Variants in SLC2A5 observed in about 807,000 individuals in gnomAD.
SLC2A5 encodes solute carrier family 2, facilitated glucose transporter member 5.
SLC2A5 carries 56 observed loss-of-function variants against 50.3 expected under a neutral mutation model. The ratio of observed to expected loss-of-function variants is 1.11; its 90% CI spans 0.90 to 1.39. The LOEUF is 1.39. SLC2A5 is among the 40% of genes most tolerant of loss of function. The pLI is 0.00. For missense variants in SLC2A5, 566 were observed against 650.1 expected (o/e 0.87, Z 1.41); for synonymous variants, 269 against 281.9 (o/e 0.95, Z 0.46).
chr1:9,085,548 A>T (rs1216027361), intron 1 of SLC2A5, among the ~76,000 whole-genome samples: 1 of 152,222 alleles, frequency 6.6e-6, no homozygotes, highest in Non-Finnish European at 1.5e-5. Context: ...AATAAGTTGC[A>T]AAATGTTTTT....
intron 1 of SLC2A5, among the ~76,000 whole-genome samples, chr1:9,063,638 G>A (rs1016033337): frequency 1.4e-5 from 2 of 146,222 alleles, no homozygotes; most frequent in African/African-American, 5.0e-5. Context: ...CTCCTAGAGT[G>A]CTGGGATTAC....
In SLC2A5 at chr1:9,037,894, C is replaced by T. The variant is rs1569830765; in HGVS notation, c.1302+3G>A. 6 of 1,613,848 alleles carry T rather than the reference C, an allele frequency of 3.7e-6. No individual in the cohort carries two copies. In the East Asian group the frequency reaches 1.3e-4, roughly 36 times the overall value. ...GTGAGCGTGGGCCCCGGGCCCCACT[C>T]ACCTGGATGAACGGGAAGATCAAGC... On this transcript the variant is annotated splice_donor_region_variant and intron_variant, in intron 11 of 11. Transcript: ENST00000377424.
At chr1:9,046,667 T>C (rs1015814761) in intron 4 of SLC2A5, among the ~76,000 whole-genome samples, 181 of 21,724 alleles carry the variant, frequency 8.3e-3, no homozygotes, top group African/African-American at 0.025. Flanking sequence ...CTGGTTCTCG[T>C]GTGTGTGTGT....
upstream of SLC2A5, among the ~76,000 whole-genome samples, chr1:9,091,171 A>G (rs1642458047): frequency 6.6e-6 from 1 of 152,178 alleles, no homozygotes; most frequent in South Asian, 2.1e-4. Flanking sequence ...TAACACACTA[A>G]AGGAAATCTT....
chr1:9,053,080 T>TTTATATA (rs1553169440), intron 3 of SLC2A5, among the ~76,000 whole-genome samples: 1 of 69,134 alleles, frequency 1.4e-5, no homozygotes, highest in Non-Finnish European at 2.7e-5. Flanking sequence ...TATTTATATA[T>TTTATATA]TAATATATAA....
chr1:9,061,446 A>G (rs1295988822), intron 1 of SLC2A5, among the ~76,000 whole-genome samples: 1 of 122,586 alleles, frequency 8.2e-6, no homozygotes, highest in Non-Finnish European at 1.7e-5. Context: ...CTACCAAAAA[A>G]ATTTTAAAAA....
At position 9,058,240 on chromosome 1, in the gene SLC2A5, A is replaced by G. The variant is rs911570905; in HGVS notation, c.44T>C (p.Leu15Pro). The change falls in exon 2 of 12, where the codon CTT becomes CCT. Residue 15 changes from leucine to proline, a missense_variant. Coordinates refer to ENST00000377424, the MANE Select transcript of SLC2A5 (RefSeq NM_003039.3). Reference protein sequence around the residue: ...DQSMKEGRLTLVLALATLIAA... With the variant: ...DQSMKEGRLTPVLALATLIAA... ...TATCAGGGTTGCCAGGGCAAGCACA[A>G]GCGTCAGCCTCTGCAGAGATCACAG... 6.2e-7 allele frequency: 1 copy of G among 1,613,652 alleles called. No homozygotes were observed.
chr1:9,073,825 C>T (rs6683701), upstream of SLC2A5, among the ~76,000 whole-genome samples: 31,893 of 152,132 alleles, frequency 0.21, 3,575 homozygotes, highest in East Asian at 0.46. Context: ...CGGTGGCTCA[C>T]GCCTGTAATC....
intron 3 of SLC2A5, among the ~76,000 whole-genome samples, chr1:9,053,049 TA>T (rs1459937825): frequency 8.3e-6 from 1 of 119,976 alleles, no homozygotes; most frequent in Non-Finnish European, 1.6e-5. Flanking sequence ...TATTATATAT[TA>T]ATATATAATA....
chr1:9,065,324 CAG>C (rs1334365936), intron 1 of SLC2A5, among the ~76,000 whole-genome samples: 2 of 152,168 alleles, frequency 1.3e-5, no homozygotes, highest in African/African-American at 4.8e-5. Context: ...GACCTTCTGA[CAG>C]GGTACGATTC....
In SLC2A5 at chr1:9,038,039, G is replaced by A. The variant is rs746027766; in HGVS notation, c.1175-15C>T. On this transcript the variant is annotated splice_polypyrimidine_tract_variant and intron_variant, in intron 10 of 11. Transcript: ENST00000377424. ...GGGTATGGGACCTGTAGGGGGAGGA[G>A]AGCAGCCTCCCTGAAGGCAGAGCGG... The A allele has an allele frequency of 1.9e-6, 3 of 1,613,068 alleles. No individual in the cohort carries two copies. Among genetic ancestry groups the A allele is most frequent in the Admixed American group, 3.3e-5 (2 of 59,958 alleles).
upstream of SLC2A5, among the ~76,000 whole-genome samples, chr1:9,074,214 G>C (rs534884698): frequency 6.6e-6 from 1 of 152,286 alleles, no homozygotes; most frequent in African/African-American, 2.4e-5. Context: ...AAAGAGCAAG[G>C]CTTAGCAACT....
chr1:9,043,208 A>T (rs1641348991), intron 4 of SLC2A5, among the ~76,000 whole-genome samples: 1 of 152,180 alleles, frequency 6.6e-6, no homozygotes, highest in South Asian at 2.1e-4. Flanking sequence ...GCTCTCAGGA[A>T]CAGAGTTTGG....
At chr1:9,064,996 T>C (rs1642043484) in intron 1 of SLC2A5, among the ~76,000 whole-genome samples, 1 of 147,776 alleles carries the variant, frequency 6.8e-6, no homozygotes, top group Non-Finnish European at 1.5e-5. Flanking sequence ...GAGGTTGCAG[T>C]GAGCTGAAAT....
chr1:9,057,695 A>C (rs1641797423), intron 2 of SLC2A5, 87 bp from the exon 3 acceptor site: 1 of 1,199,708 alleles, frequency 8.3e-7, no homozygotes, highest in African/African-American at 1.5e-5. Context: ...CCAATGAAAT[A>C]ACCTGGGCAC....
At position 9,037,301 on chromosome 1, in the gene SLC2A5, C is replaced by T. The variant is rs370944876; in HGVS notation, c.*285G>A. The T allele has an allele frequency of 5.0e-6, 2 of 402,796 alleles. No individual in the cohort carries two copies. Among genetic ancestry groups the T allele is most frequent in the South Asian group, 2.5e-5 (1 of 39,326 alleles). 25.0% of individuals were successfully genotyped at this position (402,796 alleles called of 1,614,324 possible). ...AGGTTGACCCATCAAGGTGGAGCCA[C>T]GTTACCAGGAGCCACACGAAGGCTG... On this transcript the variant is annotated 3_prime_UTR_variant, in exon 12 of 12. Coordinates refer to ENST00000377424, the MANE Select transcript of SLC2A5 (RefSeq NM_003039.3).
rs55827239 is a variant in SLC2A5, at chr1:9,046,665, C to CGTGT, written c.418+941_418+944dup. On this transcript the variant is annotated intron_variant, in intron 4 of 11. Transcript: ENST00000377424. ...ACATTTTCCACTGCAACCTGGTTCT[C>CGTGT]GTGTGTGTGTGTGTGTGTGTGTGTG... Among the ~76,000 whole-genome samples the CGTGT allele has an allele frequency of 9.1e-3, 1,348 of 147,328 alleles. 8 individuals are homozygous for CGTGT. The highest frequency in any genetic ancestry group is 0.014 in the African/African-American group (572 of 40,030).
chr1:9,059,378 C>T (rs912937540), intron 1 of SLC2A5, among the ~76,000 whole-genome samples: 59 of 151,686 alleles, frequency 3.9e-4, no homozygotes, highest in African/African-American at 9.9e-4. Context: ...CTCCTGACCT[C>T]GTGATCTGCC....
upstream of SLC2A5, among the ~76,000 whole-genome samples, chr1:9,089,338 T>C (rs952445458): frequency 2.0e-5 from 3 of 152,238 alleles, no homozygotes; most frequent in African/African-American, 7.2e-5. Flanking sequence ...TCATTGAAGC[T>C]ATGCTAAAAC....
Sources: allele counts gnomAD v4.1 joint callset (sites outside exome capture counted in the v4.1 genomes callset), GRCh38; gene constraint gnomAD v4.1.1; transcripts MANE v1.5; gene names NCBI Gene and HGNC (gene_info 2026-07-23, HGNC 2026-07-21).